Variants in DMD observed in about 807,000 individuals in gnomAD.
DMD encodes dystrophin, also known as mutant dystrophin.
DMD carries 63 observed loss-of-function variants against 330.1 expected under a neutral mutation model. That is an observed-to-expected ratio of 0.19 (90% CI 0.16 to 0.24). The LOEUF (loss-of-function observed/expected upper bound fraction) is 0.24. Ranked by LOEUF, DMD falls within the 10% of genes least tolerant of loss-of-function variation. The pLI, the probability that DMD is intolerant of heterozygous loss-of-function variation, is 1.00. For missense variants in DMD, 3,344 were observed against 2,684.1 expected (o/e 1.25, Z -5.43); for synonymous variants, 1,223 against 959.8 (o/e 1.27, Z -5.07).
chrX:32,032,881 G>C (rs1257882748), intron 44 of DMD, among the ~76,000 whole-genome samples: 1 of 111,842 alleles, frequency 8.9e-6, no homozygotes, highest in African/African-American at 3.2e-5. Context: ...TGGGAAATGG[G>C]GCGACCAGAT....
At chrX:33,176,002 C>T (rs2049627073) in intron 1 of DMD, among the ~76,000 whole-genome samples, 1 of 111,269 alleles carries the variant, frequency 9.0e-6, no homozygotes, top group African/African-American at 3.3e-5. Context: ...TTTAAAGAAA[C>T]CTGGGTGCAG....
chrX:31,417,316 G>A (rs1270334186), intron 60 of DMD, among the ~76,000 whole-genome samples: 5 of 105,828 alleles, frequency 4.7e-5, no homozygotes, highest in African/African-American at 1.7e-4. Flanking sequence ...TTTTTGAGAC[G>A]GAGTCTCGCT....
chrX:32,160,323 T>G (rs1247449705), intron 44 of DMD, among the ~76,000 whole-genome samples: 2 of 109,427 alleles, frequency 1.8e-5, no homozygotes, highest in African/African-American at 6.7e-5. Context: ...AACCTCTGCC[T>G]CCCGAGTTCA....
chrX:32,507,617 T>C (rs1237486087), intron 18 of DMD, among the ~76,000 whole-genome samples: 1 of 111,511 alleles, frequency 9.0e-6, no homozygotes, highest in Admixed American at 9.5e-5. Flanking sequence ...AAAACAATAA[T>C]CTATAAAGTA....
chrX:33,197,003 A>G (rs910307963), intron 1 of DMD, among the ~76,000 whole-genome samples: 3 of 111,327 alleles, frequency 2.7e-5, no homozygotes, highest in Non-Finnish European at 5.7e-5. Flanking sequence ...CACCTTACAA[A>G]GTAGGACATA....
At chrX:33,295,385 A>G (rs2053569719) in intron 1 of DMD, among the ~76,000 whole-genome samples, 1 of 110,860 alleles carries the variant, frequency 9.0e-6, no homozygotes, top group South Asian at 3.8e-4. Flanking sequence ...ATAAGCAAAC[A>G]CTAAGAATCA....
chrX:33,037,197 C>G (rs768869204), intron 1 of DMD, among the ~76,000 whole-genome samples: 6 of 111,446 alleles, frequency 5.4e-5, no homozygotes, highest in Non-Finnish European at 1.1e-4. Flanking sequence ...CTAATTAATA[C>G]TCAAGTAATA....
At chrX:33,078,800 T>C (rs2094882359) in intron 1 of DMD, among the ~76,000 whole-genome samples, 1 of 112,011 alleles carries the variant, frequency 8.9e-6, no homozygotes, top group African/African-American at 3.2e-5. Flanking sequence ...ACAACAATTT[T>C]ACATAACAAT....
chrX:32,504,158 C>T (rs2044366954), intron 18 of DMD, among the ~76,000 whole-genome samples: 1 of 112,327 alleles, frequency 8.9e-6, no homozygotes, highest in African/African-American at 3.2e-5. Context: ...ATAAACCTTA[C>T]ACCCTTCTTT....
intron 57 of DMD, among the ~76,000 whole-genome samples, chrX:31,488,303 AT>A (rs1431557129): frequency 8.9e-6 from 1 of 112,334 alleles, no homozygotes; most frequent in Non-Finnish European, 1.9e-5. Flanking sequence ...AAACTTTAAG[AT>A]TTGGAAATTA....
rs1557268704 is a variant in DMD at position 32,301,235 on chromosome X, A to AAAAAG, written c.6117+8846_6117+8847insCTTTT. On this transcript the variant is annotated intron_variant, in intron 42 of 78. Coordinates refer to ENST00000357033, the MANE Select transcript of DMD (RefSeq NM_004006.3). ...AATGCATACATCTAAAAAAAAAAAAAAAAGAAAGAAAAGAAATAAACAAAA... is the reference window on the plus strand; with the variant it reads ...AATGCATACATCTAAAAAAAAAAAAAAAAAGAAAGAAAGAAAAGAAATAAACAAAA... Among the ~76,000 whole-genome samples, 8 of 108,054 alleles carry AAAAAG rather than the reference A, an allele frequency of 7.4e-5. No individual in the cohort carries two copies. In the South Asian group the frequency reaches 2.8e-3, roughly 37 times the overall value. The allele number at this position is 108,054 out of a possible 115,157, so 93.8% of individuals were successfully genotyped here. A position where few individuals can be genotyped will look rare whatever the true frequency, so the allele number is the denominator to read the frequency against.
chrX:31,220,821 G>A (rs933490163), intron 64 of DMD, among the ~76,000 whole-genome samples: 1 of 106,252 alleles, frequency 9.4e-6, no homozygotes, highest in Non-Finnish European at 1.9e-5. Flanking sequence ...TGTCCAACCT[G>A]TGGCCCAGGA....
At chrX:32,133,619 G>A (rs1294875829) in intron 44 of DMD, among the ~76,000 whole-genome samples, 2 of 110,701 alleles carry the variant, frequency 1.8e-5, no homozygotes, top group African/African-American at 3.3e-5. Flanking sequence ...TTTCAGTTTA[G>A]GGCAACTTTA....
chrX:31,705,555 C>T lies in DMD; in HGVS notation c.7660+24076G>A, dbSNP rs1002690448. 9.8e-5 allele frequency among the ~76,000 whole-genome samples: 11 copies of T among 112,813 alleles called. No individual in the cohort carries two copies. In the Admixed American group the frequency reaches 1.0e-3, roughly 11 times the overall value. ...TTCTTCCACAATACAGGCTGCATGTCGTGTCTGAAAATCATTTTGCTTAAA... is the reference window on the plus strand; with the variant it reads ...TTCTTCCACAATACAGGCTGCATGTTGTGTCTGAAAATCATTTTGCTTAAA... On this transcript the variant is annotated intron_variant, in intron 52 of 78. Coordinates refer to ENST00000357033, the MANE Select transcript of DMD (RefSeq NM_004006.3).
chrX:32,433,560 C>T (rs780324673), intron 29 of DMD, among the ~76,000 whole-genome samples: 6 of 111,482 alleles, frequency 5.4e-5, no homozygotes, highest in Non-Finnish European at 9.4e-5. Flanking sequence ...TGCCAGTAAT[C>T]CCAGCTACTC....
chrX:31,595,785 A>G (rs2077085121), intron 55 of DMD, among the ~76,000 whole-genome samples: 1 of 108,607 alleles, frequency 9.2e-6, no homozygotes, highest in Non-Finnish European at 1.9e-5. Flanking sequence ...TAATATAATG[A>G]CAATAATATT....
intron 27 of DMD, among the ~76,000 whole-genome samples, chrX:32,441,776 A>G (rs1258532509): frequency 5.4e-5 from 6 of 111,422 alleles, no homozygotes; most frequent in African/African-American, 1.3e-4. Context: ...CATTTTCTGT[A>G]TTACTAAGAA....
chrX:32,244,171 G>C (rs1452435604), intron 43 of DMD, among the ~76,000 whole-genome samples: 1 of 94,161 alleles, frequency 1.1e-5, no homozygotes, highest in African/African-American at 4.0e-5. Flanking sequence ...TGATCTCATT[G>C]TTCAATTCCC....
chrX:32,141,308 C>T (rs1479761460), intron 44 of DMD, among the ~76,000 whole-genome samples: 5 of 108,448 alleles, frequency 4.6e-5, no homozygotes, highest in Admixed American at 2.0e-4. Context: ...TGGTTGTGGG[C>T]GCCTCTAATC....
Sources: allele counts gnomAD v4.1 joint callset (sites outside exome capture counted in the v4.1 genomes callset), GRCh38; gene constraint gnomAD v4.1.1; transcripts MANE v1.5; gene names NCBI Gene and HGNC (gene_info 2026-07-23, HGNC 2026-07-21).